The following FCRL4 variants were observed in gnomAD, a reference collection of about 807,000 sequenced individuals.
FCRL4 encodes the protein Fc receptor-like protein 4.
A neutral mutation model predicts 64.1 loss-of-function variants in FCRL4; 43 were observed. The ratio of observed to expected loss-of-function variants is 0.67; its 90% CI spans 0.53 to 0.87. The LOEUF is 0.87. Among genes scored for constraint, FCRL4 ranks in the 40% least tolerant of loss-of-function variants. The pLI is 0.00. For synonymous variants in FCRL4, 253 were observed against 239.8 expected, an observed-to-expected ratio of 1.05 and a Z score of -0.51; for missense variants, 656 against 613.5, an observed-to-expected ratio of 1.07 and a Z score of -0.73.
chr1:157,586,205 G>A lies in FCRL4; in HGVS notation c.1098C>T (p.Gly366=). 6.2e-7 allele frequency: 1 copy of A among 1,613,824 alleles called. No homozygotes were observed. Among genetic ancestry groups the A allele is most frequent in the Non-Finnish European group, 8.5e-7 (1 of 1,179,788 alleles). ...GYYCTADNSY[G]PVQSMVLNVT... is the part of the protein sequence containing the mutation. ...CATTCAGCACCATGCTCTGGACAGG[G>A]CCGTAGCTGTTGTCTGCTGTACAGT... is the stretch of plus-strand genomic sequence containing the variant. Residue 366 remains glycine (G), a synonymous_variant, in exon 6 of 12, where the codon GGC becomes GGT. Transcript: ENST00000271532.
chr1:157,584,826 A>G (rs1226932394), intron 6 of FCRL4, among the ~76,000 whole-genome samples: 1 of 152,194 alleles, frequency 6.6e-6, no homozygotes, highest in African/African-American at 2.4e-5. Context: ...CTGACTTTGT[A>G]TAAACAGTGC....
intron 1 of FCRL4, 98 bp downstream of exon 1, chr1:157,597,816 G>A (rs1305662669): frequency 1.2e-6 from 1 of 847,420 alleles, no homozygotes; most frequent in African/African-American, 1.7e-5. Flanking sequence ...TTCTAAAATG[G>A]GAGTAAAAAT....
Position 157,588,101 on chromosome 1 carries a change from G to A in FCRL4, c.326C>T (p.Ala109Val). ...GTCACCTTCAAACACAGAATATGGT[G>A]CCTGCAGGATTAAGGAGTCTGGAAA... ...LFSSDSLILQ[A>V]PYSVFEGDTL... Residue 109 changes from alanine (A) to valine (V), a missense_variant, in exon 4 of 12, where the codon GCA becomes GTA. Transcript: ENST00000271532. The A allele has an allele frequency of 1.9e-6, 3 of 1,613,178 alleles. No individual in the cohort carries two copies. Among genetic ancestry groups the A allele is most frequent in the Non-Finnish European group, 2.5e-6 (3 of 1,179,648 alleles).
Position 157,575,377 on chromosome 1 carries a change from T to C in FCRL4, c.*147A>G. Reference sequence around the variant, plus strand: ...AACATCAGAGTAGACGAATGAGTATTCCTGGGAGTGAATGCATATGCATGA... The same window carrying C: ...AACATCAGAGTAGACGAATGAGTATCCCTGGGAGTGAATGCATATGCATGA... On this transcript the variant is annotated 3_prime_UTR_variant, in exon 12 of 12. Transcript: ENST00000271532. The C allele has an allele frequency of 1.5e-6, 1 of 652,044 alleles. No individual in the cohort carries two copies. The highest frequency in any genetic ancestry group is 1.8e-5 in the South Asian group (1 of 54,384). The allele number at this position is 652,044 out of a possible 1,614,324, so 40.4% of individuals were successfully genotyped here.
At chr1:157,595,055 C>A (rs1652930015) in intron 2 of FCRL4, among the ~76,000 whole-genome samples, 2 of 152,106 alleles carry the variant, frequency 1.3e-5, no homozygotes, top group South Asian at 4.1e-4. Flanking sequence ...TGTGCCACCA[C>A]AACCGGCTAA....
intron 2 of FCRL4, among the ~76,000 whole-genome samples, chr1:157,595,281 G>A (rs1279402478): frequency 1.3e-5 from 2 of 152,252 alleles, no homozygotes; most frequent in Admixed American, 6.5e-5. Context: ...GAATGGGGCT[G>A]TGTTTCTGCT....
chr1:157,589,243 A>C lies in FCRL4; in HGVS notation c.268T>G (p.Ser90Ala), dbSNP rs1652777985. 1 of 1,614,080 alleles carries C rather than the reference A, an allele frequency of 6.2e-7. No individual in the cohort carries two copies. Among genetic ancestry groups the C allele is most frequent in the South Asian group, 1.1e-5 (1 of 91,068 alleles). Residue 90 changes from serine to alanine, a missense_variant, in exon 3 of 12, where the codon TCC (serine) becomes GCC (alanine). Physicochemically the swap from Ser to Ala is moderately conservative, Grantham distance 99. Transcript: ENST00000271532. ...SGLYRCQARG[S>A]PRSNPVRLLF... The stretch of plus-strand genomic sequence containing the variant: ...AAGCGCACAGGGTTACTTCGTGGGG[A>C]GCCCCGGGCCTGGCATCTGTACAGT...
At chr1:157,584,450 C>T (rs374197935) in intron 6 of FCRL4, among the ~76,000 whole-genome samples, 3 of 151,760 alleles carry the variant, frequency 2.0e-5, no homozygotes, top group Non-Finnish European at 2.9e-5. Flanking sequence ...GTGGGAGGAT[C>T]GCTTGAACCC....
chr1:157,586,354 C>A lies in FCRL4; in HGVS notation c.949G>T (p.Gly317Trp), dbSNP rs1652692877. Residue 317 changes from glycine (G) to tryptophan (W), a missense_variant, in exon 6 of 12, where the codon GGG becomes TGG. By Grantham distance (184) the Gly-to-Trp change is radical (BLOSUM62 -2). Transcript: ENST00000271532. ...CGGTGCCAGGAGAATGTGGTATCCC[C>A]TGTGCCTTCAGCCACGGAGCAGACA... The part of the protein sequence containing the change: ...VLVCSVAEGT[G>W]DTTFSWHRED... 6.2e-7 allele frequency: 1 copy of A among 1,613,656 alleles called. No individual in the cohort carries two copies. The highest frequency in any genetic ancestry group is 8.5e-7 in the Non-Finnish European group (1 of 1,180,010).
intron 10 of FCRL4, 36 bp downstream of exon 10, chr1:157,578,437 TA>T: frequency 6.6e-7 from 1 of 1,516,454 alleles, no homozygotes; most frequent in Non-Finnish European, 9.2e-7. Context: ...AATGAATGAA[TA>T]TAGTTTGCAG....
At chr1:157,592,038 C>A (rs1652849920) in intron 2 of FCRL4, among the ~76,000 whole-genome samples, 1 of 152,114 alleles carries the variant, frequency 6.6e-6, no homozygotes, top group Non-Finnish European at 1.5e-5. Flanking sequence ...AACTGGCTAG[C>A]CATATGTAGA....
At chr1:157,575,832 C>T in intron 10 of FCRL4, 102 bp from the exon 11 acceptor site, 1 of 1,007,216 alleles carries the variant, frequency 9.9e-7, no homozygotes, top group Non-Finnish European at 1.6e-6. Flanking sequence ...TGGGCCCTGT[C>T]CACCTCATCC....
intron 2 of FCRL4, among the ~76,000 whole-genome samples, chr1:157,593,061 G>T (rs1044036540): frequency 1.3e-5 from 2 of 152,162 alleles, no homozygotes; most frequent in African/African-American, 4.8e-5. Context: ...ACAGGGCAGG[G>T]AGCATCACAC....
chr1:157,575,735 G>C lies in FCRL4; in HGVS notation c.1430-5C>G. ...GAAGTGTCCTGGAGGTATTAGCTGTGGACAGAAAGAGAATCACTGGACTAT... is the reference window on the plus strand; with the variant it reads ...GAAGTGTCCTGGAGGTATTAGCTGTCGACAGAAAGAGAATCACTGGACTAT... On this transcript the variant is annotated splice_polypyrimidine_tract_variant and splice_region_variant and intron_variant, in intron 10 of 11. Transcript: ENST00000271532. 1 of 1,613,494 alleles carries C rather than the reference G, an allele frequency of 6.2e-7. No individual in the cohort carries two copies. Among genetic ancestry groups the C allele is most frequent in the African/African-American group, 1.3e-5 (1 of 74,978 alleles).
chr1:157,596,371 C>T lies in FCRL4; in HGVS notation c.32-23G>A, dbSNP rs368415575. 6.9e-5 allele frequency: 112 copies of T among 1,613,758 alleles called. No homozygotes were observed. The African/African-American group carries it at 1.4e-3, about 20-fold the overall frequency. On this transcript the variant is annotated intron_variant, in intron 1 of 11. Transcript: ENST00000271532. ...GAGCTGAAAGAGAGTAAAGAGCCAG[C>T]CATCAGCGTAGGCGAAGAGTCCCGA...
At chr1:157,582,607 C>G (rs968080451) in intron 6 of FCRL4, among the ~76,000 whole-genome samples, 2 of 152,212 alleles carry the variant, frequency 1.3e-5, no homozygotes, top group Non-Finnish European at 2.9e-5. Flanking sequence ...ACAACAGCAA[C>G]ACTGATCATG....
chr1:157,597,934 C>G lies in FCRL4; in HGVS notation c.11G>C (p.Trp4Ser), dbSNP rs1437698535. The G allele has an allele frequency of 6.2e-7, 1 of 1,613,264 alleles. No individual in the cohort carries two copies. Among genetic ancestry groups the G allele is most frequent in the Non-Finnish European group, 8.5e-7 (1 of 1,179,632 alleles). Residue 4 changes from tryptophan to serine, a missense_variant, in exon 1 of 12, where the codon TGG becomes TCG. Physicochemically the swap from Trp to Ser is radical, Grantham distance 177. Coordinates refer to ENST00000271532, the MANE Select transcript of FCRL4 (RefSeq NM_031282.3). MLL[W>S]ASLLAFAPVC... ...CTTACCAAAGGCCAGCAAGGACGCC[C>G]ACAGCAGCATGGAAGCCTGCTCCAG...
At chr1:157,591,865 C>A (rs1192884272) in intron 2 of FCRL4, among the ~76,000 whole-genome samples, 1 of 152,046 alleles carries the variant, frequency 6.6e-6, no homozygotes, top group African/African-American at 2.4e-5. Flanking sequence ...GTTAAATAAC[C>A]AAAACAGCAT....
intron 2 of FCRL4, among the ~76,000 whole-genome samples, chr1:157,591,736 A>G (rs749525522): frequency 5.9e-5 from 9 of 152,180 alleles, no homozygotes; most frequent in Non-Finnish European, 1.0e-4. Context: ...GAAGAATTCA[A>G]GGATAATGCA....
Sources: allele counts gnomAD v4.1 joint callset (sites outside exome capture counted in the v4.1 genomes callset), GRCh38; gene constraint gnomAD v4.1.1; transcripts MANE v1.5; gene names NCBI Gene and HGNC (gene_info 2026-07-23, HGNC 2026-07-21).